Variants in SHISA9 observed in about 807,000 individuals in gnomAD.
SHISA9 encodes the protein protein shisa-9.
SHISA9 carries 13 observed loss-of-function variants against 38.0 expected under a neutral mutation model. That is an observed-to-expected ratio of 0.34 (90% CI 0.22 to 0.54). The LOEUF is 0.54. SHISA9 is among the 20% of genes least tolerant of loss of function. The pLI is 0.91. For synonymous variants in SHISA9, 275 were observed against 242.0 expected (o/e 1.14, Z -1.27); for missense variants, 538 against 575.8 (o/e 0.93, Z 0.67).
the SHISA9 span, among the ~76,000 whole-genome samples, chr16:13,433,942 C>G: frequency 6.6e-6 from 1 of 152,172 alleles, no homozygotes; most frequent in Non-Finnish European, 1.5e-5. Context: ...GTATGAAAGA[C>G]AGTTTATTAA....
At chr16:13,446,273 T>C in the SHISA9 span, among the ~76,000 whole-genome samples, 1 of 152,156 alleles carries the variant, frequency 6.6e-6, no homozygotes, top group Non-Finnish European at 1.5e-5. Flanking sequence ...GAGCTCATTG[T>C]ATTATTATTA....
the SHISA9 span, among the ~76,000 whole-genome samples, chr16:13,456,384 G>A: frequency 6.6e-6 from 1 of 152,136 alleles, no homozygotes; most frequent in Non-Finnish European, 1.5e-5. Flanking sequence ...TAATAATCAT[G>A]TTTTTTCCTC....
the SHISA9 span, among the ~76,000 whole-genome samples, chr16:13,311,995 T>A: frequency 1.3e-5 from 2 of 152,222 alleles, no homozygotes; most frequent in African/African-American, 4.8e-5. Flanking sequence ...GTATGCCCAG[T>A]GGCTTTCAGG....
chr16:13,292,452 C>A, the SHISA9 span, among the ~76,000 whole-genome samples: 1 of 152,054 alleles, frequency 6.6e-6, no homozygotes, highest in Non-Finnish European at 1.5e-5. Context: ...GACAATGGAC[C>A]TAGCTGTGTG....
the SHISA9 span, among the ~76,000 whole-genome samples, chr16:13,437,193 C>T: frequency 6.6e-6 from 1 of 151,882 alleles, no homozygotes; most frequent in African/African-American, 2.4e-5. Context: ...AAAAGATTTT[C>T]AAGTTTTTAC....
intron 2 of SHISA9, among the ~76,000 whole-genome samples, chr16:12,932,615 T>G (rs1169690125): frequency 2.6e-5 from 4 of 152,196 alleles, no homozygotes; most frequent in Non-Finnish European, 5.9e-5. Context: ...AGTGCTGGGA[T>G]TGCAGGTGTG....
chr16:13,152,287 G>C (rs373659399), intron 2 of SHISA9, among the ~76,000 whole-genome samples: 2 of 152,232 alleles, frequency 1.3e-5, no homozygotes, highest in Non-Finnish European at 2.9e-5. Flanking sequence ...AGTCAGGAGA[G>C]GTTGTCTATG....
At chr16:13,199,559 C>T (rs1362778495) in intron 2 of SHISA9, among the ~76,000 whole-genome samples, 1 of 152,230 alleles carries the variant, frequency 6.6e-6, no homozygotes, top group Non-Finnish European at 1.5e-5. Context: ...AAAGGGGCTT[C>T]TCTCTCTCCT....
intron 2 of SHISA9, among the ~76,000 whole-genome samples, chr16:13,036,354 A>G (rs778681663): frequency 2.0e-5 from 3 of 152,230 alleles, no homozygotes; most frequent in Non-Finnish European, 2.9e-5. Flanking sequence ...TTATGCAGAG[A>G]GGAAGAAGGC....
the SHISA9 span, among the ~76,000 whole-genome samples, chr16:13,559,104 G>A: frequency 2.0e-5 from 3 of 152,098 alleles, no homozygotes; most frequent in East Asian, 1.9e-4. Context: ...TTTCTCTCTA[G>A]CTCCTAGAAT....
chr16:13,359,471 A>G, the SHISA9 span, among the ~76,000 whole-genome samples: 2 of 152,222 alleles, frequency 1.3e-5, no homozygotes, highest in South Asian at 4.1e-4. Flanking sequence ...TGACAGAGTG[A>G]GACTCCATCT....
chr16:13,145,217 C>T (rs976954082), intron 2 of SHISA9, among the ~76,000 whole-genome samples: 1 of 152,074 alleles, frequency 6.6e-6, no homozygotes, highest in African/African-American at 2.4e-5. Flanking sequence ...CCTCAAATCC[C>T]AATTCTAGCA....
the SHISA9 span, among the ~76,000 whole-genome samples, chr16:13,499,857 T>C: frequency 6.6e-6 from 1 of 152,154 alleles, no homozygotes; most frequent in Admixed American, 6.5e-5. Context: ...AGTGCATCTA[T>C]CCGTCTACTT....
the SHISA9 span, among the ~76,000 whole-genome samples, chr16:13,497,174 T>G: frequency 6.6e-6 from 1 of 152,318 alleles, no homozygotes; most frequent in Admixed American, 6.5e-5. Context: ...AAATAATAAT[T>G]GTATATATTT....
At chr16:13,349,126 A>G in the SHISA9 span, among the ~76,000 whole-genome samples, 1 of 152,338 alleles carries the variant, frequency 6.6e-6, no homozygotes, top group Middle Eastern at 3.4e-3. Context: ...GACAAGAGGC[A>G]TATAATTCCC....
At chr16:12,946,739 G>A (rs1047190917) in intron 2 of SHISA9, among the ~76,000 whole-genome samples, 1 of 152,260 alleles carries the variant, frequency 6.6e-6, no homozygotes, top group African/African-American at 2.4e-5. Flanking sequence ...TGGCGGAGAA[G>A]GGGGCAGCTG....
chr16:13,359,273 G>T, the SHISA9 span, among the ~76,000 whole-genome samples: 1 of 151,814 alleles, frequency 6.6e-6, no homozygotes, highest in African/African-American at 2.4e-5. Context: ...TTGAGGTCAG[G>T]AGTTCAAAAC....
the SHISA9 span, among the ~76,000 whole-genome samples, chr16:13,398,609 C>G: frequency 6.6e-6 from 1 of 151,574 alleles, no homozygotes; most frequent in Non-Finnish European, 1.5e-5. Context: ...ACCTCCGGTT[C>G]GAGCGATTCT....
intron 2 of SHISA9, among the ~76,000 whole-genome samples, chr16:13,070,592 C>G (rs1376668303): frequency 1.3e-5 from 2 of 152,184 alleles, no homozygotes; most frequent in African/African-American, 4.8e-5. Flanking sequence ...CTAGGCCACC[C>G]AGGAACAAAT....
Sources: allele counts gnomAD v4.1 joint callset (sites outside exome capture counted in the v4.1 genomes callset), GRCh38; gene constraint gnomAD v4.1.1; transcripts MANE v1.5; gene names NCBI Gene and HGNC (gene_info 2026-07-23, HGNC 2026-07-21).